The following TTC19 variants were observed in gnomAD, a reference collection of about 807,000 sequenced individuals.
The protein encoded by TTC19 is tetratricopeptide repeat protein 19, mitochondrial.
TTC19 carries 38 observed loss-of-function variants against 49.5 expected under a neutral mutation model. The ratio of observed to expected loss-of-function variants is 0.77; its 90% confidence interval spans 0.59 to 1.01. The LOEUF is 1.01. Among genes scored for constraint, TTC19 ranks in the 50% least tolerant of loss-of-function variants. The probability of loss-of-function intolerance (pLI) is 0.00; values close to 1 mark genes in which losing one functional copy is unlikely to be tolerated. For synonymous variants in TTC19, 204 were observed against 185.2 expected (o/e 1.10, Z -0.83); for missense variants, 475 against 477.7 (o/e 0.99, Z 0.05).
chr17:16,000,502 C>A, intron 2 of TTC19: 1 of 1,016,110 alleles, frequency 9.8e-7, no homozygotes, highest in Non-Finnish European at 1.3e-6. Flanking sequence ...ACGCTTTATG[C>A]AAACGAAATA....
intron 2 of TTC19, chr17:16,040,156 A>G (rs1336517133): frequency 1.5e-5 from 8 of 548,806 alleles, no homozygotes; most frequent in Non-Finnish European, 2.8e-5. Flanking sequence ...TCAGTCACCC[A>G]CACTTCTATT....
At chr17:16,027,018 G>A (rs1265654578) in intron 9 of TTC19, 1 of 517,386 alleles carries the variant, frequency 1.9e-6, no homozygotes, top group Non-Finnish European at 3.5e-6. Flanking sequence ...TTCTCACAGT[G>A]TGCTGGTGAA....
chr17:16,010,053 T>G (rs1971020137), intron 7 of TTC19, among the ~76,000 whole-genome samples: 2 of 151,946 alleles, frequency 1.3e-5, no homozygotes, highest in South Asian at 4.1e-4. Context: ...ATTTCCAATG[T>G]TATCTGTTAG....
chr17:16,004,480 C>T (rs1460436917), intron 6 of TTC19, among the ~76,000 whole-genome samples: 1 of 152,136 alleles, frequency 6.6e-6, no homozygotes, highest in African/African-American at 2.4e-5. Flanking sequence ...TCTCTGGCTG[C>T]CCTGTGACAA....
intron 7 of TTC19, among the ~76,000 whole-genome samples, chr17:16,017,302 A>C (rs1343102906): frequency 6.6e-6 from 1 of 152,096 alleles, no homozygotes; most frequent in Admixed American, 6.6e-5. Context: ...GAAAAAAATT[A>C]GCCAGGCATG....
At chr17:16,004,036 C>G (rs1970821820) in intron 5 of TTC19, 149 bp downstream of exon 5, 3 of 1,129,066 alleles carry the variant, frequency 2.7e-6, no homozygotes, top group Non-Finnish European at 4.0e-6. Context: ...GCCATTCTTT[C>G]ACTAAATGCA....
intron 2 of TTC19, among the ~76,000 whole-genome samples, chr17:16,042,343 ATTG>A (rs765228191): frequency 6.6e-6 from 1 of 152,204 alleles, no homozygotes; most frequent in Non-Finnish European, 1.5e-5. Flanking sequence ...ATTTGACTGA[ATTG>A]TTAAGATTAC....
intron 2 of TTC19, chr17:16,040,493 T>A: frequency 1.2e-6 from 2 of 1,613,340 alleles, no homozygotes; most frequent in South Asian, 2.2e-5. Flanking sequence ...GCTGAGCAGC[T>A]GCTATATTTA....
intron 3 of TTC19, 43 bp from the exon 4 acceptor site, chr17:16,002,748 AAC>A: frequency 6.3e-7 from 1 of 1,578,214 alleles, no homozygotes; most frequent in Non-Finnish European, 8.7e-7. Flanking sequence ...AATAAGTAGG[AAC>A]ACAGTATTCT....
chr17:16,003,938 G>A (rs1426682154), intron 5 of TTC19, 51 bp downstream of exon 5: 4 of 1,589,902 alleles, frequency 2.5e-6, no homozygotes, highest in Non-Finnish European at 3.4e-6. Context: ...TTTCAAAACA[G>A]TCTTGTCTCC....
chr17:16,021,320 G>A (rs532138853), intron 7 of TTC19, among the ~76,000 whole-genome samples: 8 of 152,300 alleles, frequency 5.3e-5, no homozygotes, highest in Middle Eastern at 3.4e-3. Context: ...CTCAGGAGGC[G>A]GAGGTTGCAG....
At chr17:16,017,052 C>G (rs1312716364) in intron 7 of TTC19, among the ~76,000 whole-genome samples, 1 of 152,192 alleles carries the variant, frequency 6.6e-6, no homozygotes, top group Non-Finnish European at 1.5e-5. Context: ...TTTAGACAGT[C>G]TCATAGATAT....
intron 2 of TTC19, chr17:16,039,268 CT>C (rs1483927303): frequency 3.1e-6 from 2 of 642,894 alleles, no homozygotes; most frequent in Non-Finnish European, 5.3e-6. Flanking sequence ...ATTATAATGT[CT>C]GGGTAGGTTT....
At chr17:16,004,105 T>C in intron 5 of TTC19, 96 bp from the exon 6 acceptor site, 1 of 1,285,100 alleles carries the variant, frequency 7.8e-7, no homozygotes, top group Non-Finnish European at 1.1e-6. Context: ...ATAAAGACTG[T>C]GGCTTTGAGG....
At chr17:16,038,148 G>A (rs1347608249) in intron 2 of TTC19, among the ~76,000 whole-genome samples, 1 of 151,424 alleles carries the variant, frequency 6.6e-6, no homozygotes, top group African/African-American at 2.4e-5. Context: ...GAAGATAACA[G>A]GAAAATAAAT....
Position 16,028,840 on chromosome 17 carries a change from A to AAAAAAAAAAC in TTC19, c.*1324_*1325insAAACAAAAAA. 3.4e-5 allele frequency: 13 copies of AAAAAAAAAAC among 378,656 alleles called. No individual in the cohort carries two copies. Among genetic ancestry groups the AAAAAAAAAAC allele is most frequent in the Non-Finnish European group, 6.6e-5 (13 of 197,850 alleles). 23.5% of individuals were successfully genotyped at this position (378,656 alleles called of 1,614,324 possible). ...TCTCAAAAAAAAAAAAAAAAAAAAA[A>AAAAAAAAAAC]AAAAAACTTTCTGAAGAAAATAAAA... is the stretch of plus-strand genomic sequence containing the variant. On this transcript the variant is annotated 3_prime_UTR_variant, in exon 10 of 10. Coordinates refer to ENST00000261647, the MANE Select transcript of TTC19 (RefSeq NM_017775.4).
At position 15,999,999 on chromosome 17, in the gene TTC19, G is replaced by A. The variant is rs1406693775; in HGVS notation, c.151G>A (p.Gly51Ser). The A allele has an allele frequency of 7.9e-7, 1 of 1,258,534 alleles. No individual in the cohort carries two copies. The highest frequency in any genetic ancestry group is 1.0e-6 in the Non-Finnish European group (1 of 1,004,182). The allele number at this position is 1,258,534 out of a possible 1,614,324, so 78.0% of individuals were successfully genotyped here. ...GCCGCCATCCCGAGTCGCGCCGCACGGCCGGGGCCCAGGCCTGCTGCCGCT... is the reference window on the plus strand; with the variant it reads ...GCCGCCATCCCGAGTCGCGCCGCACAGCCGGGGCCCAGGCCTGCTGCCGCT... ...QVPPSRVAPH[G>S]RGPGLLPLLA... Residue 51 changes from glycine (G) to serine (S), a missense_variant, in exon 1 of 10, where the codon GGC (glycine) becomes AGC (serine). Coordinates refer to ENST00000261647, the MANE Select transcript of TTC19 (RefSeq NM_017775.4).
chr17:16,023,357 T>G lies in TTC19; in HGVS notation c.677-1660T>G, dbSNP rs190623849. 5.3e-5 allele frequency: 8 copies of G among 152,332 alleles called. No individual in the cohort carries two copies. In the East Asian group the frequency reaches 1.3e-3, roughly 26 times the overall value. 9.4% of individuals were successfully genotyped at this position (152,332 alleles called of 1,614,324 possible). ...TTGTCACTTTATTCTTGTACTTTTGTTTTACTACTGAACATCTTTTTAAAT... is the reference window on the plus strand; with the variant it reads ...TTGTCACTTTATTCTTGTACTTTTGGTTTACTACTGAACATCTTTTTAAAT... On this transcript the variant is annotated intron_variant, in intron 7 of 9. Coordinates refer to ENST00000261647, the MANE Select transcript of TTC19 (RefSeq NM_017775.4).
At chr17:16,043,275 G>T (rs1018290232) in intron 2 of TTC19, among the ~76,000 whole-genome samples, 1 of 152,240 alleles carries the variant, frequency 6.6e-6, no homozygotes, top group African/African-American at 2.4e-5. Context: ...AAGTGAAGCT[G>T]TGTTGGCTGC....
Sources: gnomAD v4.1 joint callset for allele counts (sites outside exome capture counted in the v4.1 genomes callset) on GRCh38, gnomAD v4.1.1 for gene constraint, MANE v1.5 for transcripts, NCBI Gene and HGNC (gene_info 2026-07-23, HGNC 2026-07-21) for gene names.